Variants in SNX13 observed in about 807,000 individuals in gnomAD.
The protein encoded by SNX13 is sorting nexin-13.
A neutral mutation model predicts 133.6 loss-of-function variants in SNX13; 45 were observed. The observed-to-expected ratio is 0.34, with a 90% CI of 0.27 to 0.43. The LOEUF (loss-of-function observed/expected upper bound fraction) is 0.43, where lower values mean the gene tolerates loss of function less well. Ranked by LOEUF, SNX13 falls within the 20% of genes least tolerant of loss-of-function variation. The pLI, the probability that SNX13 is intolerant of heterozygous loss-of-function variation, is 1.00. For synonymous variants in SNX13, 414 were observed against 373.9 expected (o/e 1.11, Z -1.24); for missense variants, 1,032 against 1,145.1 (o/e 0.90, Z 1.43).
Position 17,853,004 on chromosome 7 carries a change from G to A in SNX13, c.838-2040C>T, listed in dbSNP as rs534018703. ...ACTATGGTCATGAGCTAAGAGAAAA[G>A]ATGTGAAAAAATATATTAAATGAAA... On this transcript the variant is annotated intron_variant, in intron 9 of 25. Transcript: ENST00000428135. Among the ~76,000 whole-genome samples the A allele has an allele frequency of 4.6e-5, 7 of 152,270 alleles. No individual in the cohort carries two copies. In the South Asian group the frequency reaches 1.5e-3, roughly 32 times the overall value.
chr7:17,850,151 G>C (rs1406213232), intron 11 of SNX13, among the ~76,000 whole-genome samples, 196 bp downstream of exon 11: 2 of 152,072 alleles, frequency 1.3e-5, no homozygotes, highest in African/African-American at 4.8e-5. Context: ...CATTTTTCAG[G>C]AAGCATTTTA....
chr7:17,845,544 C>T (rs1790415177), intron 12 of SNX13, 51 bp downstream of exon 12: 4 of 1,204,156 alleles, frequency 3.3e-6, no homozygotes, highest in Non-Finnish European at 4.6e-6. Flanking sequence ...AATAAAAAAT[C>T]GAAAAAGAAA....
chr7:17,890,209 C>T, intron 5 of SNX13, 154 bp downstream of exon 5: 2 of 580,018 alleles, frequency 3.4e-6, no homozygotes, highest in East Asian at 6.6e-5. Context: ...GTTTTAAGAG[C>T]TCTAGTTGTA....
At chr7:17,882,557 CAATA>C (rs1795477794) in intron 5 of SNX13, 1 of 152,514 alleles carries the variant, frequency 6.6e-6, no homozygotes, top group Non-Finnish European at 1.5e-5. Context: ...ACTAATAAAA[CAATA>C]GATATGAAGA....
intron 5 of SNX13, among the ~76,000 whole-genome samples, chr7:17,885,014 T>G (rs894546885): frequency 2.0e-5 from 3 of 152,162 alleles, no homozygotes; most frequent in Admixed American, 2.0e-4. Flanking sequence ...CCAAGAGAAA[T>G]GGAAACATTT....
At chr7:17,905,221 G>C (rs1798262614) in intron 1 of SNX13, among the ~76,000 whole-genome samples, 1 of 152,084 alleles carries the variant, frequency 6.6e-6, no homozygotes, top group Admixed American at 6.5e-5. Context: ...TTTTATGTGT[G>C]GGTATGAGTA....
intron 1 of SNX13, among the ~76,000 whole-genome samples, chr7:17,932,364 C>CA (rs745829925): frequency 1.3e-5 from 2 of 152,100 alleles, no homozygotes; most frequent in Non-Finnish European, 2.9e-5. Flanking sequence ...CTCTTAAACA[C>CA]AATATTTAAC....
rs75695730 is a variant in SNX13 at position 17,829,017 on chromosome 7, T to C, written c.1635+993A>G. ...GTAAATGGTAATGACACCAAATGAT[T>C]TAGGAAATATTTTAAAAGTTACAAA... is the stretch of plus-strand genomic sequence containing the variant. On this transcript the variant is annotated intron_variant, in intron 16 of 25. Transcript: ENST00000428135. Among the ~76,000 whole-genome samples the C allele has an allele frequency of 4.0e-4, 60 of 151,636 alleles. No individual in the cohort carries two copies. The East Asian group carries it at 6.4e-3, about 16-fold the overall frequency.
intron 20 of SNX13, among the ~76,000 whole-genome samples, chr7:17,806,079 C>G (rs1785264622): frequency 6.6e-6 from 1 of 152,178 alleles, no homozygotes; most frequent in Admixed American, 6.5e-5. Context: ...TAAGTGTACA[C>G]TTAGCTGTCC....
chr7:17,884,097 C>CA (rs1300924931), intron 5 of SNX13, among the ~76,000 whole-genome samples: 2 of 151,962 alleles, frequency 1.3e-5, no homozygotes, highest in African/African-American at 4.8e-5. Flanking sequence ...GTTTTATAGC[C>CA]ATTAAAATAT....
rs746631668 is a variant in SNX13, at chr7:17,940,455, C to A, written c.-160G>T. On this transcript the variant is annotated 5_prime_UTR_variant, in exon 1 of 26. Coordinates refer to ENST00000428135, the MANE Select transcript of SNX13 (RefSeq NM_015132.5). ...TCGGCTTCGCTGGCCTCCCCTCGGCCCGGTCGCTCGCGACGGACGCGCCGC... is the reference window on the plus strand; with the variant it reads ...TCGGCTTCGCTGGCCTCCCCTCGGCACGGTCGCTCGCGACGGACGCGCCGC... The A allele has an allele frequency of 4.0e-5, 32 of 805,270 alleles. No homozygotes were observed. In the South Asian group the frequency reaches 4.6e-4, roughly 12 times the overall value. The allele number at this position is 805,270 out of a possible 1,614,324, so 49.9% of individuals were successfully genotyped here.
At chr7:17,813,395 T>C (rs1322999329) in intron 20 of SNX13, among the ~76,000 whole-genome samples, 2 of 152,152 alleles carry the variant, frequency 1.3e-5, no homozygotes, top group African/African-American at 2.4e-5. Context: ...AAAAGCAACA[T>C]ATATTTTTCC....
rs1390950543 is a variant in SNX13, at chr7:17,804,646, C to A, written c.2065-1066G>T. 2.6e-5 allele frequency among the ~76,000 whole-genome samples: 4 copies of A among 151,278 alleles called. No individual in the cohort carries two copies. The South Asian group carries it at 8.3e-4, about 31-fold the overall frequency. ...ATCTAAAGAAACCAAACTAGAGATG[C>A]AGATGAGACTGAGCGATTCTTTAAC... On this transcript the variant is annotated intron_variant, in intron 20 of 25. Coordinates refer to ENST00000428135, the MANE Select transcript of SNX13 (RefSeq NM_015132.5).
chr7:17,869,525 A>C (rs1793799549), intron 8 of SNX13, among the ~76,000 whole-genome samples: 1 of 152,120 alleles, frequency 6.6e-6, no homozygotes, highest in African/African-American at 2.4e-5. Context: ...AATAAGCTTA[A>C]CAGGATGTAT....
In SNX13 at chr7:17,796,311, G is replaced by A. The variant is rs1250137265; in HGVS notation, c.2626+516C>T. 2.0e-5 allele frequency: 3 copies of A among 152,222 alleles called. No homozygotes were observed. The East Asian group carries it at 5.8e-4, about 29-fold the overall frequency. The allele number at this position is 152,222 out of a possible 1,614,324, so 9.4% of individuals were successfully genotyped here. On this transcript the variant is annotated intron_variant, in intron 25 of 25. Transcript: ENST00000428135. ...TTGGGATTGTATTTTAAGTAATAAA[G>A]ATTAATAATCAGCCAATCAGTTCTT... is the stretch of plus-strand genomic sequence containing the variant.
At chr7:17,882,256 AG>A (rs1795433054) in intron 5 of SNX13, 1 of 152,204 alleles carries the variant, frequency 6.6e-6, no homozygotes. Context: ...TTCCATGTTC[AG>A]TGACTTCATG....
intron 19 of SNX13, among the ~76,000 whole-genome samples, chr7:17,815,933 C>T (rs572769613): frequency 6.6e-6 from 1 of 152,256 alleles, no homozygotes; most frequent in South Asian, 2.1e-4. Context: ...GTGCATTTAT[C>T]TAAACACAAA....
At chr7:17,822,966 T>C (rs896121445) in intron 17 of SNX13, among the ~76,000 whole-genome samples, 1 of 152,200 alleles carries the variant, frequency 6.6e-6, no homozygotes, top group Non-Finnish European at 1.5e-5. Context: ...TTCTTGTTTT[T>C]CTACTGATGG....
At position 17,850,972 on chromosome 7, in the gene SNX13, C is replaced by A. The variant is rs745796704; in HGVS notation, c.838-8G>T. The A allele has an allele frequency of 5.0e-6, 8 of 1,594,996 alleles. No homozygotes were observed. Among genetic ancestry groups the A allele is most frequent in the African/African-American group, 1.4e-5 (1 of 73,956 alleles). ...GCAGTTAGAATCACGGATCTGAAAA[C>A]AAGTTTAAGAAAAACAGGTGGGAGA... is the stretch of plus-strand genomic sequence containing the variant. On this transcript the variant is annotated splice_polypyrimidine_tract_variant and splice_region_variant and intron_variant, in intron 9 of 25. Coordinates refer to ENST00000428135, the MANE Select transcript of SNX13 (RefSeq NM_015132.5).
Sources: gnomAD v4.1 joint callset for allele counts (sites outside exome capture counted in the v4.1 genomes callset) on GRCh38, gnomAD v4.1.1 for gene constraint, MANE v1.5 for transcripts, NCBI Gene and HGNC (gene_info 2026-07-23, HGNC 2026-07-21) for gene names.